The following ANKRD44 variants were observed in gnomAD, a reference collection of about 807,000 sequenced individuals.
The protein encoded by ANKRD44 is ankyrin repeat domain 44.
ANKRD44 carries 35 observed loss-of-function variants against 116.0 expected under a neutral mutation model. The observed-to-expected ratio is 0.30, with a 90% confidence interval of 0.23 to 0.40. The LOEUF (loss-of-function observed/expected upper bound fraction) is 0.40. Ranked by LOEUF, ANKRD44 falls within the 10% of genes least tolerant of loss-of-function variation. The pLI is 1.00. For missense variants in ANKRD44, 1,014 were observed against 1,242.6 expected, an observed-to-expected ratio of 0.82 and a Z score of 2.77; for synonymous variants, 435 against 461.8, an observed-to-expected ratio of 0.94 and a Z score of 0.74.
intron 2 of ANKRD44, among the ~76,000 whole-genome samples, chr2:197,185,600 G>A (rs2080636507): frequency 6.6e-6 from 1 of 152,128 alleles, no homozygotes; most frequent in African/African-American, 2.4e-5. Context: ...TCAAATCTAG[G>A]AAACTACTAA....
chr2:197,146,579 T>C (rs1463351298), intron 3 of ANKRD44, among the ~76,000 whole-genome samples: 1 of 150,956 alleles, frequency 6.6e-6, no homozygotes, highest in Non-Finnish European at 1.5e-5. Context: ...AGAGAGTATA[T>C]AGTGTATACA....
chr2:197,197,117 A>T (rs2080968586), intron 1 of ANKRD44, among the ~76,000 whole-genome samples: 1 of 152,196 alleles, frequency 6.6e-6, no homozygotes, highest in Non-Finnish European at 1.5e-5. Context: ...AGCCAGAAAA[A>T]GTCACATGGA....
chr2:197,104,248 G>A (rs1157847799), intron 9 of ANKRD44, among the ~76,000 whole-genome samples: 2 of 152,088 alleles, frequency 1.3e-5, no homozygotes, highest in Admixed American at 6.6e-5. Flanking sequence ...AGCCTCCCAA[G>A]GAGCTGGGAT....
At position 197,055,618 on chromosome 2, in the gene ANKRD44, T is replaced by A. The variant is rs533879506; in HGVS notation, c.1650+23085A>T. On this transcript the variant is annotated intron_variant, in intron 16 of 27. Coordinates refer to ENST00000282272, the MANE Select transcript of ANKRD44 (RefSeq NM_001195144.2). ...AATCCATCTTGAATTCAGTTTTGTA[T>A]ATGGTAAAAGAATATTCATTTTCCT... is the stretch of plus-strand genomic sequence containing the variant. Among the ~76,000 whole-genome samples the A allele has an allele frequency of 1.2e-4, 18 of 152,368 alleles. No homozygotes were observed. In the South Asian group the frequency reaches 3.7e-3, roughly 32 times the overall value.
intron 16 of ANKRD44, among the ~76,000 whole-genome samples, chr2:197,048,731 T>C (rs1289378228): frequency 6.6e-6 from 1 of 152,188 alleles, no homozygotes; most frequent in Middle Eastern, 3.2e-3. Flanking sequence ...GGTCAAATGG[T>C]ATTTCTAGTT....
At chr2:197,266,499 C>T (rs779970657) in intron 1 of ANKRD44, among the ~76,000 whole-genome samples, 14 of 151,910 alleles carry the variant, frequency 9.2e-5, no homozygotes, top group Non-Finnish European at 2.1e-4. Flanking sequence ...CATTAAATCA[C>T]TCAATTTTTC....
chr2:197,161,763 G>GATT (rs903622478), intron 2 of ANKRD44, among the ~76,000 whole-genome samples: 2 of 152,132 alleles, frequency 1.3e-5, no homozygotes, highest in African/African-American at 4.8e-5. Context: ...GTGAAAAACT[G>GATT]ATTATTTTTT....
intron 16 of ANKRD44, among the ~76,000 whole-genome samples, chr2:197,060,075 G>A (rs979477450): frequency 2.6e-5 from 4 of 152,144 alleles, no homozygotes; most frequent in African/African-American, 2.4e-5. Context: ...GTCTCACAGC[G>A]TGTCACCTGT....
chr2:197,164,115 C>A (rs1362375522), intron 2 of ANKRD44, among the ~76,000 whole-genome samples: 4 of 152,214 alleles, frequency 2.6e-5, no homozygotes, highest in African/African-American at 9.6e-5. Context: ...CAGGCCCAGT[C>A]CTGGTCCAGC....
chr2:197,052,168 A>G (rs1485479182), intron 16 of ANKRD44, among the ~76,000 whole-genome samples: 9 of 152,214 alleles, frequency 5.9e-5, no homozygotes, highest in South Asian at 4.1e-4. Context: ...TAGTGTAACC[A>G]TCAACTTGAT....
At chr2:197,199,628 G>A (rs929188602) in intron 1 of ANKRD44, among the ~76,000 whole-genome samples, 2 of 152,060 alleles carry the variant, frequency 1.3e-5, no homozygotes, top group African/African-American at 4.8e-5. Flanking sequence ...TTTTTGAGAT[G>A]GGGGTCTTGC....
At chr2:197,099,765 C>A in intron 10 of ANKRD44, 51 bp downstream of exon 10, 1 of 1,606,026 alleles carries the variant, frequency 6.2e-7, no homozygotes, top group Admixed American at 1.7e-5. Context: ...ATCTTTTTGG[C>A]AGTATTCCCA....
intron 4 of ANKRD44, among the ~76,000 whole-genome samples, chr2:197,126,769 CAT>C (rs2125344664): frequency 6.6e-6 from 1 of 151,886 alleles, no homozygotes; most frequent in South Asian, 2.1e-4. Context: ...AATCGACAAA[CAT>C]ATATACAGGT....
chr2:197,043,031 T>C (rs184608705), intron 16 of ANKRD44, among the ~76,000 whole-genome samples: 1 of 152,330 alleles, frequency 6.6e-6, no homozygotes, highest in East Asian at 1.9e-4. Flanking sequence ...GTTAATTAGC[T>C]TGTTGAACAG....
intron 1 of ANKRD44, among the ~76,000 whole-genome samples, chr2:197,271,411 T>C (rs2082895966): frequency 6.6e-6 from 1 of 152,242 alleles, no homozygotes; most frequent in South Asian, 2.1e-4. Context: ...AATCTGCTGG[T>C]GCCATGATCT....
chr2:197,064,571 G>GAC (rs2077390489), intron 16 of ANKRD44, among the ~76,000 whole-genome samples: 1 of 152,108 alleles, frequency 6.6e-6, no homozygotes, highest in Admixed American at 6.5e-5. Context: ...CATGTGCAGA[G>GAC]ACACACACAG....
intron 2 of ANKRD44, among the ~76,000 whole-genome samples, chr2:197,161,185 C>A (rs887843951): frequency 1.3e-5 from 2 of 152,102 alleles, no homozygotes; most frequent in Admixed American, 6.6e-5. Context: ...CAGATTGACA[C>A]GAGTGCTCCC....
Position 197,013,533 on chromosome 2 carries a change from T to C in ANKRD44, c.1902A>G (p.Lys634=). 1 of 1,614,238 alleles carries C rather than the reference T, an allele frequency of 6.2e-7. No homozygotes were observed. Among genetic ancestry groups the C allele is most frequent in the East Asian group, 2.2e-5 (1 of 44,884 alleles). ...TACCTGAGGCATGAAGTGGGGTTCTTTTGGTTACATTGTCTTTCACAAAGA... is the reference window on the plus strand; with the variant it reads ...TACCTGAGGCATGAAGTGGGGTTCTCTTGGTTACATTGTCTTTCACAAAGA... ...ASIFVKDNVT[K]RTPLHASVIN... The change falls in exon 18 of 28, where the codon AAA becomes AAG. Residue 634 remains lysine, a synonymous_variant. Transcript: ENST00000282272.
intron 16 of ANKRD44, chr2:197,029,599 A>G: frequency 4.6e-6 from 2 of 434,514 alleles, no homozygotes; most frequent in South Asian, 1.7e-5. Flanking sequence ...GTTTTCTTAC[A>G]TTAAATGCAG....
Sources: allele counts gnomAD v4.1 joint callset (sites outside exome capture counted in the v4.1 genomes callset), GRCh38; gene constraint gnomAD v4.1.1; transcripts MANE v1.5; gene names NCBI Gene and HGNC (gene_info 2026-07-23, HGNC 2026-07-21).